The following OCA2 variants were observed in gnomAD, a reference collection of about 807,000 sequenced individuals.
OCA2 encodes P protein.
Under a neutral mutation model 100.2 loss-of-function variants are expected in OCA2, and 77 were observed. The observed-to-expected ratio is 0.77, with a 90% CI of 0.64 to 0.93. The LOEUF (loss-of-function observed/expected upper bound fraction) is 0.93. OCA2 is among the 40% of genes least tolerant of loss of function. The pLI, the probability that OCA2 is intolerant of heterozygous loss-of-function variation, is 0.00. For synonymous variants in OCA2, 432 were observed against 439.2 expected, an observed-to-expected ratio of 0.98 and a Z score of 0.21; for missense variants, 1,062 against 1,089.1, an observed-to-expected ratio of 0.98 and a Z score of 0.35.
chr15:27,871,172 G>A lies in OCA2; in HGVS notation c.2226C>T (p.Ile742=). ...SALASSLIDN[I]PFTATMIPVL... The stretch of plus-strand genomic sequence containing the variant: ...AACTCACCATGGTAGCAGTGAACGG[G>A]ATGTTGTCAATCAGGGACGACGCCA... Residue 742 remains isoleucine (I), a synonymous_variant, in exon 21 of 24, where the codon ATC becomes ATT. Transcript: ENST00000354638. The A allele has an allele frequency of 6.2e-7, 1 of 1,613,828 alleles. No individual in the cohort carries two copies. Among genetic ancestry groups the A allele is most frequent in the Middle Eastern group, 1.6e-4 (1 of 6,062 alleles).
intron 19 of OCA2, among the ~76,000 whole-genome samples, chr15:27,891,910 C>T (rs1413112949): frequency 6.6e-6 from 1 of 151,808 alleles, no homozygotes; most frequent in Non-Finnish European, 1.5e-5. Context: ...AAAATCTAAG[C>T]AAGAGACTAT....
chr15:27,929,669 T>C (rs775588924), intron 18 of OCA2, among the ~76,000 whole-genome samples: 3 of 151,964 alleles, frequency 2.0e-5, no homozygotes, highest in Non-Finnish European at 2.9e-5. Flanking sequence ...TTCCTGTTTT[T>C]CAAAGGGCAC....
chr15:27,941,367 T>G (rs1244994165), intron 18 of OCA2, among the ~76,000 whole-genome samples: 2 of 152,186 alleles, frequency 1.3e-5, no homozygotes, highest in African/African-American at 4.8e-5. Flanking sequence ...GTTTAAAAGC[T>G]AATGTGGTAC....
At chr15:27,722,906 A>G in the OCA2 span, among the ~76,000 whole-genome samples, 1 of 148,818 alleles carries the variant, frequency 6.7e-6, no homozygotes, top group East Asian at 2.0e-4. Flanking sequence ...CAGTGGCGTG[A>G]TCTTGACTCT....
At chr15:27,727,348 T>TA in the OCA2 span, among the ~76,000 whole-genome samples, 1 of 152,178 alleles carries the variant, frequency 6.6e-6, no homozygotes, top group Non-Finnish European at 1.5e-5. Flanking sequence ...CTAAAGCTGT[T>TA]ACAGAAGTGG....
chr15:27,800,333 G>A (rs2033542306), intron 23 of OCA2, among the ~76,000 whole-genome samples: 1 of 151,632 alleles, frequency 6.6e-6, no homozygotes, highest in African/African-American at 2.4e-5. Context: ...GCAGAAAAAA[G>A]AAAATAACAA....
chr15:27,938,492 GA>G (rs1259308233), intron 18 of OCA2, among the ~76,000 whole-genome samples: 2 of 149,336 alleles, frequency 1.3e-5, no homozygotes, highest in African/African-American at 5.2e-5. Context: ...TCCAAAAATG[GA>G]AGGGAGAAAA....
At chr15:28,082,689 C>G (rs4778137) in intron 1 of OCA2, among the ~76,000 whole-genome samples, 62,752 of 152,052 alleles carry the variant, frequency 0.41, 14,838 homozygotes, top group East Asian at 0.82. Flanking sequence ...TACATACATA[C>G]AACAGAGGCC....
At chr15:27,855,733 G>A (rs7168739) in intron 21 of OCA2, among the ~76,000 whole-genome samples, 65,107 of 152,108 alleles carry the variant, frequency 0.43, 15,829 homozygotes, top group African/African-American at 0.64. Flanking sequence ...GAGACAGACA[G>A]TAAATATAAG....
chr15:27,771,181 A>G (rs578240136), intron 23 of OCA2, among the ~76,000 whole-genome samples: 16 of 150,140 alleles, frequency 1.1e-4, no homozygotes, highest in East Asian at 4.0e-4. Context: ...CTCCTCCTAG[A>G]ACGCCTCCAT....
intron 21 of OCA2, among the ~76,000 whole-genome samples, chr15:27,856,994 G>A (rs1189597986): frequency 6.6e-6 from 1 of 152,144 alleles, no homozygotes; most frequent in Non-Finnish European, 1.5e-5. Context: ...AAACAAATAG[G>A]AAAGTGTGGC....
intron 1 of OCA2, among the ~76,000 whole-genome samples, chr15:28,094,089 A>C (rs1177489256): frequency 6.6e-6 from 1 of 152,166 alleles, no homozygotes; most frequent in Non-Finnish European, 1.5e-5. Flanking sequence ...CCTCTCATGC[A>C]GATGATGGAG....
rs763219039 is a variant in OCA2, at chr15:28,018,396, C to A, written c.807+1G>T. ...CCTTTCAAATAAATTATCAGCATAA[C>A]CTGCTGTGGCCGCCGCCACCTGGAG... On this transcript the variant is annotated splice_donor_variant, in intron 7 of 23. Coordinates refer to ENST00000354638, the MANE Select transcript of OCA2 (RefSeq NM_000275.3). LOFTEE classifies it high-confidence loss of function. 7 of 1,613,726 alleles carry A rather than the reference C, an allele frequency of 4.3e-6. No homozygotes were observed. Among genetic ancestry groups the A allele is most frequent in the Admixed American group, 3.3e-5 (2 of 60,010 alleles).
intron 6 of OCA2, among the ~76,000 whole-genome samples, chr15:28,021,084 A>C (rs563626046): frequency 2.6e-5 from 4 of 152,372 alleles, no homozygotes; most frequent in African/African-American, 9.6e-5. Context: ...AAAGAAAAAA[A>C]CACTTGCCAT....
At chr15:27,835,540 T>G (rs1261280838) in intron 23 of OCA2, among the ~76,000 whole-genome samples, 1 of 152,224 alleles carries the variant, frequency 6.6e-6, no homozygotes, top group African/African-American at 2.4e-5. Flanking sequence ...TCAAATTCCA[T>G]GAAGATGGTA....
intron 19 of OCA2, among the ~76,000 whole-genome samples, chr15:27,883,493 G>A (rs879421588): frequency 3.9e-5 from 6 of 151,940 alleles, no homozygotes; most frequent in African/African-American, 7.3e-5. Context: ...AAATTAAGTC[G>A]GCTACTGTTC....
intron 21 of OCA2, among the ~76,000 whole-genome samples, chr15:27,860,442 G>A (rs1310443477): frequency 2.6e-5 from 4 of 152,056 alleles, no homozygotes; most frequent in African/African-American, 4.8e-5. Flanking sequence ...TTCAACCCTC[G>A]TCCTCATCCC....
At chr15:27,732,985 CT>C in the OCA2 span, among the ~76,000 whole-genome samples, 41 of 152,162 alleles carry the variant, frequency 2.7e-4, no homozygotes, top group Non-Finnish European at 4.9e-4. Flanking sequence ...ATAATTACAA[CT>C]TTGTAACGAA....
chr15:27,982,492 G>A (rs2041200570), intron 14 of OCA2, among the ~76,000 whole-genome samples: 1 of 152,224 alleles, frequency 6.6e-6, no homozygotes, highest in African/African-American at 2.4e-5. Context: ...AGTTGGTGAA[G>A]TGTTGCCAAG....
Sources: allele counts gnomAD v4.1 joint callset (sites outside exome capture counted in the v4.1 genomes callset), GRCh38; gene constraint gnomAD v4.1.1; transcripts MANE v1.5; gene names NCBI Gene and HGNC (gene_info 2026-07-23, HGNC 2026-07-21).